PINLYP: variants seen among roughly 807,000 people sequenced by gnomAD.
PINLYP encodes phospholipase A2 inhibitor and LY6/PLAUR domain containing.
A neutral mutation model predicts 15.8 loss-of-function variants in PINLYP; 12 were observed. The observed-to-expected ratio is 0.76, with a 90% CI of 0.49 to 1.23. PINLYP has a LOEUF of 1.23. PINLYP is among the 50% of genes most tolerant of loss of function. The probability of loss-of-function intolerance (pLI) is 0.00; values close to 1 mark genes in which losing one functional copy is unlikely to be tolerated. For missense variants in PINLYP, 278 were observed against 264.2 expected (o/e 1.05, Z -0.36); for synonymous variants, 93 against 97.7 (o/e 0.95, Z 0.28).
chr19:43,575,640 C>T, upstream of PINLYP: 2 of 497,794 alleles, frequency 4.0e-6, no homozygotes, highest in South Asian at 6.2e-5. Flanking sequence ...AGCCCAGTCG[C>T]GCCTCTCCAG....
chr19:43,577,358 G>T, intron 2 of PINLYP, 97 bp downstream of exon 2: 1 of 1,266,982 alleles, frequency 7.9e-7, no homozygotes, highest in Non-Finnish European at 1.1e-6. Context: ...AGAGCCTTCA[G>T]CAAGTCCTCA....
At position 43,582,069 on chromosome 19, in the gene PINLYP, C is replaced by T. The variant is rs142528817; in HGVS notation, c.*68C>T. ...CATTTGTCCTCAGCCTGTAACTCCCCGTGTGCCTATAAAGAAGTTAATAGA... is the reference window on the plus strand; with the variant it reads ...CATTTGTCCTCAGCCTGTAACTCCCTGTGTGCCTATAAAGAAGTTAATAGA... On this transcript the variant is annotated 3_prime_UTR_variant, in exon 6 of 6. Coordinates refer to ENST00000599207, the Ensembl canonical transcript of PINLYP. 4.5e-5 allele frequency: 68 copies of T among 1,503,224 alleles called. No individual in the cohort carries two copies. The African/African-American group carries it at 7.3e-4, about 16-fold the overall frequency. The allele number at this position is 1,503,224 out of a possible 1,614,324, so 93.1% of individuals were successfully genotyped here. A position where few individuals can be genotyped will look rare whatever the true frequency, so the allele number is the denominator to read the frequency against.
exon 4 of PINLYP, chr19:43,581,235 T>C (rs1388390900): frequency 1.3e-6 from 2 of 1,537,044 alleles, no homozygotes; most frequent in Non-Finnish European, 1.7e-6. Context: ...GGTGCACACC[T>C]ACAAGGGCTG....
chr19:43,581,279 A>G, exon 4 of PINLYP: 1 of 1,537,100 alleles, frequency 6.5e-7, no homozygotes, highest in South Asian at 1.2e-5. Context: ...CCGGCGTTAT[A>G]TCCACCACCA....
At position 43,578,946 on chromosome 19, in the gene PINLYP, A is replaced by T. The variant is rs1483049512; in HGVS notation, c.187+240A>T. ...TGACACTGTCCTAAAGAGAAGGAAA[A>T]TGTGGGAGGGGTGAGAGTTAATAGA... On this transcript the variant is annotated intron_variant, in intron 3 of 5. Transcript: ENST00000599207. 9.6e-6 allele frequency: 4 copies of T among 418,194 alleles called. No individual in the cohort carries two copies. In the Admixed American group the frequency reaches 1.5e-4, roughly 15 times the overall value. The allele number at this position is 418,194 out of a possible 1,614,324, so 25.9% of individuals were successfully genotyped here.
rs1600068908 is a variant in PINLYP, at chr19:43,582,057, C to G, written c.*56C>G. ...GTGTGAAGTCCCCATTTGTCCTCAG[C>G]CTGTAACTCCCCGTGTGCCTATAAA... On this transcript the variant is annotated 3_prime_UTR_variant, in exon 6 of 6. Coordinates refer to ENST00000599207, the Ensembl canonical transcript of PINLYP. The G allele has an allele frequency of 4.6e-6, 7 of 1,519,540 alleles. No individual in the cohort carries two copies. In the South Asian group the frequency reaches 7.2e-5, roughly 16 times the overall value. 94.1% of individuals were successfully genotyped at this position (1,519,540 alleles called of 1,614,324 possible). A position where few individuals can be genotyped will look rare whatever the true frequency, so the allele number is the denominator to read the frequency against.
rs3213239 is a variant in PINLYP, at chr19:43,576,907, G to GGGCC, written c.-88_-85dup. On this transcript the variant is annotated 5_prime_UTR_variant, in exon 1 of 6. The change abolishes the stop of an existing upstream ORF in the 5' untranslated region. Coordinates refer to ENST00000599207, the Ensembl canonical transcript of PINLYP. ...TTCAAGCAAACAAACAAACAACAAT[G>GGGCC]GGCCGTGGGAAGGTGAGAAAACAGG... 0.62 allele frequency: 267,318 copies of GGGCC among 430,826 alleles called. 85,842 individuals carry two copies. Among genetic ancestry groups the GGGCC allele is most frequent in the East Asian group, 0.89 (23,406 of 26,386 alleles). The allele number at this position is 430,826 out of a possible 1,614,324, so 26.7% of individuals were successfully genotyped here.
exon 1 of PINLYP, chr19:43,576,904 A>G (rs1016915546): frequency 6.9e-6 from 2 of 288,144 alleles, no homozygotes; most frequent in Non-Finnish European, 1.2e-5. Context: ...AACAAACAAC[A>G]ATGGGCCGTG....
Position 43,576,555 on chromosome 19 carries a change from C to CT in PINLYP, c.-441dup, listed in dbSNP as rs1972866826. On this transcript the variant is annotated 5_prime_UTR_variant, in exon 1 of 6. An upstream open reading frame in the 5' UTR loses its in-frame stop. Transcript: ENST00000599207. Reference sequence around the variant, plus strand: ...TTCCCAATATGTGGACTGTGGGCATCTGTCTTTTACTACGCCCGCCTATGA... The same window carrying CT: ...TTCCCAATATGTGGACTGTGGGCATCTTGTCTTTTACTACGCCCGCCTATGA... Among the ~76,000 whole-genome samples the CT allele has an allele frequency of 6.6e-6, 1 of 152,186 alleles. No individual in the cohort carries two copies. The highest frequency in any genetic ancestry group is 2.1e-4 in the South Asian group (1 of 4,830).
intron 3 of PINLYP, among the ~76,000 whole-genome samples, chr19:43,580,148 C>A (rs1647835749): frequency 6.6e-6 from 1 of 151,980 alleles, no homozygotes; most frequent in African/African-American, 2.4e-5. Flanking sequence ...AAAGTGAGAT[C>A]GAAAATCACC....
chr19:43,580,006 G>T (rs556451435), intron 3 of PINLYP, among the ~76,000 whole-genome samples: 1 of 152,198 alleles, frequency 6.6e-6, no homozygotes, highest in Non-Finnish European at 1.5e-5. Flanking sequence ...GAGACCAGTG[G>T]GGGACAGAGA....
At chr19:43,576,424 A>G (rs1972864689) in exon 1 of PINLYP, among the ~76,000 whole-genome samples, 1 of 152,146 alleles carries the variant, frequency 6.6e-6, no homozygotes, top group East Asian at 1.9e-4. Flanking sequence ...TGAGGCCAAA[A>G]GAGAAGGGTT....
At chr19:43,581,424 A>C in intron 4 of PINLYP, 60 bp downstream of exon 4, 1 of 1,528,900 alleles carries the variant, frequency 6.5e-7, no homozygotes, top group Non-Finnish European at 8.8e-7. Context: ...TGCTGTAGCC[A>C]CTTGCTGGCT....
At chr19:43,575,579 G>T (rs1972851020), upstream of PINLYP, 2 of 1,100,448 alleles carry the variant, frequency 1.8e-6, no homozygotes, top group South Asian at 1.7e-5. Flanking sequence ...AGCGCGCGAG[G>T]CTCGGGCCTT....
chr19:43,581,336 C>G (rs767540470), exon 4 of PINLYP: 3 of 1,536,792 alleles, frequency 2.0e-6, no homozygotes, highest in Non-Finnish European at 1.7e-6. Flanking sequence ...GCTGCCAGAG[C>G]GACGGCTGCA....
chr19:43,577,578 G>T (rs923786842), intron 2 of PINLYP, among the ~76,000 whole-genome samples: 2 of 147,898 alleles, frequency 1.4e-5, no homozygotes, highest in African/African-American at 4.9e-5. Flanking sequence ...GCTGGAAAGG[G>T]AAATCTTTAA....
At chr19:43,576,717 A>G (rs1286170049) in exon 1 of PINLYP, 2 of 166,058 alleles carry the variant, frequency 1.2e-5, no homozygotes, top group Non-Finnish European at 2.6e-5. Flanking sequence ...AAGGGAGACA[A>G]GGCACCCCGC....
intron 2 of PINLYP, 148 bp downstream of exon 2, chr19:43,577,409 A>G: frequency 1.1e-6 from 1 of 895,106 alleles, no homozygotes; most frequent in Non-Finnish European, 1.6e-6. Context: ...GATTCATGGA[A>G]GAGGCCAAGG....
In PINLYP at chr19:43,578,587, C is replaced by A; in HGVS notation, c.71-3C>A. 3 of 1,534,256 alleles carry A rather than the reference C, an allele frequency of 2.0e-6. No homozygotes were observed. The highest frequency in any genetic ancestry group is 2.6e-6 in the Non-Finnish European group (3 of 1,145,490). On this transcript the variant is annotated splice_polypyrimidine_tract_variant and splice_region_variant and intron_variant, in intron 2 of 5. Coordinates refer to ENST00000599207, the Ensembl canonical transcript of PINLYP. The stretch of plus-strand genomic sequence containing the variant: ...ACAGCCTCGCCCTCTGTCTACACTG[C>A]AGGGTGCCCACTACACTGCGAAATA...
Sources: gnomAD v4.1 joint callset for allele counts (sites outside exome capture counted in the v4.1 genomes callset) on GRCh38, gnomAD v4.1.1 for gene constraint, MANE v1.5 for transcripts, NCBI Gene and HGNC (gene_info 2026-07-23, HGNC 2026-07-21) for gene names.